Variants in ARFRP1 observed in about 807,000 individuals in gnomAD.
The protein encoded by ARFRP1 is ARF related protein 1.
In ARFRP1, 19 loss-of-function variants were observed where a neutral mutation model predicts 30.3. The ratio of observed to expected loss-of-function variants is 0.63; its 90% CI spans 0.44 to 0.92. The LOEUF is 0.92. Ranked by LOEUF, ARFRP1 falls within the 40% of genes least tolerant of loss-of-function variation. The pLI is 0.00. For missense variants in ARFRP1, 245 were observed against 267.5 expected, an observed-to-expected ratio of 0.92 and a Z score of 0.59; for synonymous variants, 133 against 114.2, an observed-to-expected ratio of 1.16 and a Z score of -1.05.
intron 5 of ARFRP1, 94 bp downstream of exon 5, chr20:63,702,042 C>A: frequency 7.9e-7 from 1 of 1,267,132 alleles, no homozygotes; most frequent in South Asian, 1.2e-5. Flanking sequence ...CACTTCTGAC[C>A]AGACACTGAG....
In ARFRP1 at chr20:63,699,211, A is replaced by T. The variant is rs954761564; in HGVS notation, c.*1232T>A. 3.3e-5 allele frequency: 5 copies of T among 152,204 alleles called. No homozygotes were observed. Among genetic ancestry groups the T allele is most frequent in the Non-Finnish European group, 7.4e-5 (5 of 68,010 alleles). The allele number at this position is 152,204 out of a possible 1,614,324, so 9.4% of individuals were successfully genotyped here. Reference sequence around the variant, plus strand: ...GGTCCCCCCCAGGTCCTGGGAACCAACCTGCAGAACACACACAGGGTCCCC... The same window carrying T: ...GGTCCCCCCCAGGTCCTGGGAACCATCCTGCAGAACACACACAGGGTCCCC... On this transcript the variant is annotated 3_prime_UTR_variant, in exon 8 of 8. Coordinates refer to ENST00000622789, the MANE Select transcript of ARFRP1 (RefSeq NM_001267547.3).
chr20:63,701,932 C>A lies in ARFRP1; in HGVS notation c.347-32G>T, dbSNP rs1041626978. ...AGGGCAGGAGAGGCAGCGCCTCACACCCAGCATCCTGCCTCTGACTGCCCA... is the reference window on the plus strand; with the variant it reads ...AGGGCAGGAGAGGCAGCGCCTCACAACCAGCATCCTGCCTCTGACTGCCCA... On this transcript the variant is annotated intron_variant, in intron 5 of 7. Transcript: ENST00000622789. 5.8e-6 allele frequency: 9 copies of A among 1,546,504 alleles called. No homozygotes were observed. In the Admixed American group the frequency reaches 1.8e-4, roughly 30 times the overall value.
At chr20:63,701,987 C>G in intron 5 of ARFRP1, 87 bp from the exon 6 acceptor site, 1 of 1,304,186 alleles carries the variant, frequency 7.7e-7, no homozygotes. Context: ...ACTGTGACAG[C>G]CACTCCCTCT....
chr20:63,700,207 G>A lies in ARFRP1; in HGVS notation c.*236C>T, dbSNP rs2091129011. 1.7e-6 allele frequency: 1 copy of A among 588,214 alleles called. No individual in the cohort carries two copies. Among genetic ancestry groups the A allele is most frequent in the African/African-American group, 1.9e-5 (1 of 53,380 alleles). The allele number at this position is 588,214 out of a possible 1,614,324, so 36.4% of individuals were successfully genotyped here. A position where few individuals can be genotyped will look rare whatever the true frequency, so the allele number is the denominator to read the frequency against. ...TCGAAAGGCCGCCGCTGCGCCCTGT[G>A]GAAAGGCTGCCGCTGCAGGGCCTGG... On this transcript the variant is annotated 3_prime_UTR_variant, in exon 8 of 8. Coordinates refer to ENST00000622789, the MANE Select transcript of ARFRP1 (RefSeq NM_001267547.3).
chr20:63,702,005 C>CA, intron 5 of ARFRP1, 105 bp from the exon 6 acceptor site: 1 of 967,374 alleles, frequency 1.0e-6, no homozygotes, highest in Non-Finnish European at 1.5e-6. Flanking sequence ...TCTGCCCCCC[C>CA]CCCCCCCGTC....
At chr20:63,700,558 G>C (rs1021568713) in intron 7 of ARFRP1, 28 bp from the exon 8 acceptor site, 2 of 1,610,632 alleles carry the variant, frequency 1.2e-6, no homozygotes, top group Non-Finnish European at 1.7e-6. Flanking sequence ...GTGAGGCGGG[G>C]GGTCTCGGTC....
At chr20:63,705,956 C>T (rs2091435590) in intron 4 of ARFRP1, 10 of 347,986 alleles carry the variant, frequency 2.9e-5, no homozygotes, top group South Asian at 2.2e-4. Context: ...AGCCCCAGCC[C>T]TGAACCCAGA....
At chr20:63,700,837 C>A in intron 6 of ARFRP1, 135 bp from the exon 7 acceptor site, 2 of 1,178,396 alleles carry the variant, frequency 1.7e-6, no homozygotes, top group Non-Finnish European at 2.4e-6. Flanking sequence ...CCAGTGTCTC[C>A]CACAGAGACC....
intron 2 of ARFRP1, 108 bp downstream of exon 2, chr20:63,706,891 G>T: frequency 7.4e-7 from 1 of 1,360,266 alleles, no homozygotes; most frequent in Non-Finnish European, 1.0e-6. Flanking sequence ...GCCGTCTCAG[G>T]TGAAATTTGG....
rs1192211468 is a variant in ARFRP1, at chr20:63,700,088, G to T, written c.*355C>A. 2 of 337,704 alleles carry T rather than the reference G, an allele frequency of 5.9e-6. No individual in the cohort carries two copies. The highest frequency in any genetic ancestry group is 2.7e-5 in the South Asian group (1 of 37,038). 20.9% of individuals were successfully genotyped at this position (337,704 alleles called of 1,614,324 possible). A position where few individuals can be genotyped will look rare whatever the true frequency, so the allele number is the denominator to read the frequency against. On this transcript the variant is annotated 3_prime_UTR_variant, in exon 8 of 8. Coordinates refer to ENST00000622789, the MANE Select transcript of ARFRP1 (RefSeq NM_001267547.3). ...GAGACAGCCACGGGGTCTCCCGAGG[G>T]TCCCACAGGGCTGTCCTCATGCAGC...
In ARFRP1 at chr20:63,707,093, C is replaced by A; in HGVS notation, c.-2G>T. 6.2e-7 allele frequency: 1 copy of A among 1,604,306 alleles called. No individual in the cohort carries two copies. Among genetic ancestry groups the A allele is most frequent in the Admixed American group, 1.7e-5 (1 of 58,708 alleles). On this transcript the variant is annotated 5_prime_UTR_variant, in exon 2 of 8. The change creates a new upstream start codon in the 5' untranslated region. Coordinates refer to ENST00000622789, the MANE Select transcript of ARFRP1 (RefSeq NM_001267547.3). The stretch of plus-strand genomic sequence containing the variant: ...CAAGCCCGACAGCAGCGTGTACATC[C>A]TGCCCTGGGCACCCCAACATAGGTC...
chr20:63,706,469 A>C (rs753196918), intron 3 of ARFRP1, 30 bp from the exon 4 acceptor site: 3 of 1,606,892 alleles, frequency 1.9e-6, no homozygotes, highest in Non-Finnish European at 2.6e-6. Flanking sequence ...GGCAAGGCTC[A>C]TGACCTTGGT....
intron 4 of ARFRP1, 154 bp from the exon 5 acceptor site, chr20:63,702,371 G>T (rs535607462): frequency 1.1e-4 from 77 of 694,256 alleles, no homozygotes; most frequent in African/African-American, 1.0e-3. Context: ...GCATTCTGGG[G>T]TTGCGGGGAG....
chr20:63,700,718 C>A lies in ARFRP1; in HGVS notation c.418-16G>T, dbSNP rs927280745. The A allele has an allele frequency of 6.2e-7, 1 of 1,608,644 alleles. No homozygotes were observed. The highest frequency in any genetic ancestry group is 1.1e-5 in the South Asian group (1 of 90,760). ...AGAGGCACGTCTGGGGGAGGTAAGGCCGTGAGGAGCAGCCCCCACGTCTGG... is the reference window on the plus strand; with the variant it reads ...AGAGGCACGTCTGGGGGAGGTAAGGACGTGAGGAGCAGCCCCCACGTCTGG... On this transcript the variant is annotated splice_polypyrimidine_tract_variant and intron_variant, in intron 6 of 7. Coordinates refer to ENST00000622789, the MANE Select transcript of ARFRP1 (RefSeq NM_001267547.3).
rs1170465803 is a variant in ARFRP1 at position 63,702,190 on chromosome 20, A to G, written c.292T>C (p.Tyr98His). 1.9e-6 allele frequency: 3 copies of G among 1,612,080 alleles called. No homozygotes were observed. The highest frequency in any genetic ancestry group is 1.3e-5 in the African/African-American group (1 of 74,914). ...KYYAECHGVI[Y>H]VIDSTDEERL... ...TCCTCGTCGGTGGAGTCAATGACGT[A>G]GATGACGCCGTGACACTCCGCATAA... The change falls in exon 5 of 8, where the codon TAC becomes CAC. Residue 98 changes from tyrosine to histidine, a missense_variant. Physicochemically the swap from Tyr to His is moderately conservative, Grantham distance 83. Transcript: ENST00000622789.
intron 4 of ARFRP1, 118 bp downstream of exon 4, chr20:63,706,239 G>A: frequency 1.0e-6 from 1 of 963,552 alleles, no homozygotes; most frequent in East Asian, 2.5e-5. Flanking sequence ...GGACCAGAGA[G>A]AAAACCCGAG....
At position 63,700,194 on chromosome 20, in the gene ARFRP1, C is replaced by T. The variant is rs1221435024; in HGVS notation, c.*249G>A. ...CCCAGAAAGGGCCTCGAAAGGCCGC[C>T]GCTGCGCCCTGTGGAAAGGCTGCCG... is the stretch of plus-strand genomic sequence containing the variant. On this transcript the variant is annotated 3_prime_UTR_variant, in exon 8 of 8. Coordinates refer to ENST00000622789, the MANE Select transcript of ARFRP1 (RefSeq NM_001267547.3). The T allele has an allele frequency of 2.0e-5, 11 of 543,448 alleles. No homozygotes were observed. The highest frequency in any genetic ancestry group is 9.5e-5 in the African/African-American group (5 of 52,426). 33.7% of individuals were successfully genotyped at this position (543,448 alleles called of 1,614,324 possible).
Position 63,706,684 on chromosome 20 carries a change from G to A in ARFRP1, c.148C>T (p.Leu50=), listed in dbSNP as rs754855495. The change falls in exon 3 of 8, where the codon CTA becomes TTA. Residue 50 remains leucine, a synonymous_variant. Transcript: ENST00000622789. ...CCCACGGTGGTGGTGATTTTGGATA[G>A]ACTCATCCCCTTGTAGTTCTTGTTA... The part of the protein sequence containing the change: ...RFNKNYKGMS[L]SKITTTVGLN... 6.2e-7 allele frequency: 1 copy of A among 1,613,980 alleles called. No homozygotes were observed. The highest frequency in any genetic ancestry group is 2.2e-5 in the East Asian group (1 of 44,886).
chr20:63,700,121 A>C lies in ARFRP1; in HGVS notation c.*322T>G. On this transcript the variant is annotated 3_prime_UTR_variant, in exon 8 of 8. Coordinates refer to ENST00000622789, the MANE Select transcript of ARFRP1 (RefSeq NM_001267547.3). ...GGGCTGTCCTCATGCAGCCCAAGCC[A>C]GCCTGAGCACTGGAGCCCCAATTCC... is the stretch of plus-strand genomic sequence containing the variant. 1 of 395,302 alleles carries C rather than the reference A, an allele frequency of 2.5e-6. No homozygotes were observed. Among genetic ancestry groups the C allele is most frequent in the Non-Finnish European group, 4.8e-6 (1 of 207,318 alleles). 24.5% of individuals were successfully genotyped at this position (395,302 alleles called of 1,614,324 possible). A position where few individuals can be genotyped will look rare whatever the true frequency, so the allele number is the denominator to read the frequency against.
Sources: gnomAD v4.1 joint callset for allele counts on GRCh38, gnomAD v4.1.1 for gene constraint, MANE v1.5 for transcripts, NCBI Gene and HGNC (gene_info 2026-07-23, HGNC 2026-07-21) for gene names.